ZBED4: variants seen among roughly 807,000 people sequenced by gnomAD.
ZBED4 encodes the protein zinc finger BED-type containing 4.
ZBED4 carries 4 observed loss-of-function variants against 15.5 expected under a neutral mutation model. The ratio of observed to expected loss-of-function variants is 0.26; its 90% CI spans 0.13 to 0.59. The LOEUF (loss-of-function observed/expected upper bound fraction) is 0.59, where lower values mean the gene tolerates loss of function less well. Among genes scored for constraint, ZBED4 ranks in the 20% least tolerant of loss-of-function variants. The probability of loss-of-function intolerance (pLI) is 0.90; values close to 1 mark genes in which losing one functional copy is unlikely to be tolerated. For missense variants in ZBED4, 1,323 were observed against 1,461.8 expected, an observed-to-expected ratio of 0.91 and a Z score of 1.55; for synonymous variants, 692 against 608.5, an observed-to-expected ratio of 1.14 and a Z score of -2.02.
intron 1 of ZBED4, among the ~76,000 whole-genome samples, chr22:49,854,966 A>C (rs2060268785): frequency 6.6e-6 from 1 of 152,226 alleles, no homozygotes; most frequent in African/African-American, 2.4e-5. Flanking sequence ...CATAGTGACA[A>C]AATTGAGGCT....
intron 1 of ZBED4, among the ~76,000 whole-genome samples, chr22:49,872,711 T>C (rs1451550942): frequency 6.6e-6 from 1 of 151,810 alleles, no homozygotes; most frequent in Non-Finnish European, 1.5e-5. Context: ...TAAATTTTTT[T>C]TTTTTTTTCC....
rs1569160356 is a variant in ZBED4, at chr22:49,872,340, ACAG to A, written c.-329-10991_-329-10989del. On this transcript the variant is annotated intron_variant, in intron 1 of 1. Transcript: ENST00000216268. ...TTCACTCAAGTTTTATCCTAAGAGT[ACAG>A]CAATTCCGCCGTATCTTTGGGTTCT... Among the ~76,000 whole-genome samples, 5 of 152,214 alleles carry A rather than the reference ACAG, an allele frequency of 3.3e-5. No homozygotes were observed. In the East Asian group the frequency reaches 9.6e-4, roughly 29 times the overall value.
chr22:49,878,973 T>C (rs2147534639), intron 1 of ZBED4, among the ~76,000 whole-genome samples: 1 of 151,398 alleles, frequency 6.6e-6, no homozygotes, highest in Non-Finnish European at 1.5e-5. Flanking sequence ...TGAAACCCCG[T>C]CTCTACTAAA....
chr22:49,872,852 C>G (rs1328333835), intron 1 of ZBED4, among the ~76,000 whole-genome samples: 2 of 151,996 alleles, frequency 1.3e-5, no homozygotes, highest in Admixed American at 6.6e-5. Context: ...ACCGCAGGCA[C>G]CTGCCGGCTA....
chr22:49,887,467 G>T lies in ZBED4; in HGVS notation c.*289G>T. ...ACCGTAAAGTTTTTTAAAGTTTTGG[G>T]TTAGTAATTTGTTTTACTAGAATGA... On this transcript the variant is annotated 3_prime_UTR_variant, in exon 2 of 2. Coordinates refer to ENST00000216268, the MANE Select transcript of ZBED4 (RefSeq NM_014838.3). 3.4e-6 allele frequency: 1 copy of T among 293,464 alleles called. No individual in the cohort carries two copies. Among genetic ancestry groups the T allele is most frequent in the Non-Finnish European group, 6.8e-6 (1 of 147,726 alleles). The allele number at this position is 293,464 out of a possible 1,614,324, so 18.2% of individuals were successfully genotyped here.
In ZBED4 at chr22:49,886,176, G is replaced by A. The variant is rs933034710; in HGVS notation, c.2514G>A (p.Glu838=). The part of the protein sequence containing the change: ...FSHTVNLIVS[E]AIKSQRMVQN... ...ATACGGTGAACCTGATCGTCAGCGA[G>A]GCCATTAAGAGCCAGCGGATGGTGC... The change falls in exon 2 of 2, where the codon GAG becomes GAA. Residue 838 remains glutamate (E), a synonymous_variant. Transcript: ENST00000216268. The surrounding 1 kb of genome is among the most constrained non-coding windows in gnomAD (Gnocchi z 7.7). 1 of 705,944 alleles carries A rather than the reference G, an allele frequency of 1.4e-6. No homozygotes were observed. The highest frequency in any genetic ancestry group is 2.6e-6 in the Non-Finnish European group (1 of 388,798). The allele number at this position is 705,944 out of a possible 1,614,324, so 43.7% of individuals were successfully genotyped here.
At chr22:49,859,246 C>T (rs2060287289) in intron 1 of ZBED4, among the ~76,000 whole-genome samples, 1 of 152,110 alleles carries the variant, frequency 6.6e-6, no homozygotes, top group Admixed American at 6.5e-5. Context: ...ATTACCAATT[C>T]TTAGCGGAAG....
At position 49,888,737 on chromosome 22, in the gene ZBED4, C is replaced by G. The variant is rs1040667122; in HGVS notation, c.*1559C>G. On this transcript the variant is annotated 3_prime_UTR_variant, in exon 2 of 2. Coordinates refer to ENST00000216268, the MANE Select transcript of ZBED4 (RefSeq NM_014838.3). ...CACGCTCTTCCTGGTGTCCTCTTAC[C>G]CGGTAGCTGTGCGCTTGTTCCCGTG... is the stretch of plus-strand genomic sequence containing the variant. 8 of 167,290 alleles carry G rather than the reference C, an allele frequency of 4.8e-5. No individual in the cohort carries two copies. 10.4% of individuals were successfully genotyped at this position (167,290 alleles called of 1,614,324 possible).
At position 49,887,225 on chromosome 22, in the gene ZBED4, TAGC is replaced by T; in HGVS notation, c.*51_*53del. 1 of 1,554,602 alleles carries T rather than the reference TAGC, an allele frequency of 6.4e-7. No homozygotes were observed. Among genetic ancestry groups the T allele is most frequent in the Non-Finnish European group, 8.7e-7 (1 of 1,147,080 alleles). ...GCCAGAGGCGTGGCTGCCCCAGCGT[TAGC>T]AGCCTGTACCAGGTCTATGACCCGC... On this transcript the variant is annotated 3_prime_UTR_variant, in exon 2 of 2. Coordinates refer to ENST00000216268, the MANE Select transcript of ZBED4 (RefSeq NM_014838.3).
chr22:49,857,058 C>G (rs1195804978), intron 1 of ZBED4, among the ~76,000 whole-genome samples: 1 of 152,218 alleles, frequency 6.6e-6, no homozygotes, highest in Non-Finnish European at 1.5e-5. Context: ...CCCTTCCTGC[C>G]TTGCCACCTC....
At chr22:49,867,890 G>T (rs1845721923) in intron 1 of ZBED4, among the ~76,000 whole-genome samples, 1 of 152,184 alleles carries the variant, frequency 6.6e-6, no homozygotes, top group Admixed American at 6.5e-5. Context: ...ACTTACATGA[G>T]CCCACAGTTG....
At chr22:49,878,828 TC>T in intron 1 of ZBED4, among the ~76,000 whole-genome samples, 1 of 151,998 alleles carries the variant, frequency 6.6e-6, no homozygotes, top group East Asian at 1.9e-4. Context: ...TGAAACCTTG[TC>T]TCTACTAAAA....
intron 1 of ZBED4, among the ~76,000 whole-genome samples, chr22:49,873,844 A>C (rs2060361176): frequency 1.1e-5 from 1 of 89,438 alleles, no homozygotes; most frequent in Non-Finnish European, 3.2e-5. Context: ...TGCACGGCCC[A>C]CCTTGTAGGT....
At chr22:49,874,214 G>C (rs756806327) in intron 1 of ZBED4, among the ~76,000 whole-genome samples, 2 of 152,216 alleles carry the variant, frequency 1.3e-5, no homozygotes, top group Non-Finnish European at 2.9e-5. Flanking sequence ...TGATGAGTAT[G>C]ATGGGAGCTG....
chr22:49,884,813 C>T lies in ZBED4; in HGVS notation c.1151C>T (p.Pro384Leu), dbSNP rs1321462692. ...SSPVKPVRES[P>L]SASSSPDRLT... The stretch of plus-strand genomic sequence containing the variant: ...CCAGTAAAGCCGGTCAGAGAGTCCC[C>T]TTCGGCCTCCTCCTCCCCTGACAGG... Residue 384 changes from proline to leucine, a missense_variant, in exon 2 of 2, where the codon CCT becomes CTT. Around this residue, in one of 6 missense-constraint regions of ZBED4, gnomAD observed 429 missense variants for 397.9 expected, o/e 1.08. Transcript: ENST00000216268. 6.2e-7 allele frequency: 1 copy of T among 1,610,750 alleles called. No homozygotes were observed. Among genetic ancestry groups the T allele is most frequent in the Non-Finnish European group, 8.5e-7 (1 of 1,177,558 alleles).
intron 1 of ZBED4, among the ~76,000 whole-genome samples, chr22:49,865,972 G>A (rs1255130489): frequency 4.0e-5 from 6 of 150,928 alleles, no homozygotes; most frequent in Admixed American, 2.0e-4. Flanking sequence ...TCCACCTCCC[G>A]ATGCTGATTA....
intron 1 of ZBED4, among the ~76,000 whole-genome samples, chr22:49,873,066 T>C (rs2060356554): frequency 6.6e-6 from 1 of 152,192 alleles, no homozygotes; most frequent in Non-Finnish European, 1.5e-5. Context: ...CCTGAGCTCA[T>C]GCAGTCCACC....
intron 1 of ZBED4, among the ~76,000 whole-genome samples, chr22:49,874,672 CTT>C (rs10636316): frequency 1.3e-4 from 5 of 37,316 alleles, no homozygotes; most frequent in Non-Finnish European, 2.2e-4. Context: ...CATGCCCAGC[CTT>C]TTTTTTTTTT....
At chr22:49,866,969 T>C (rs1236605691) in intron 1 of ZBED4, among the ~76,000 whole-genome samples, 1 of 152,186 alleles carries the variant, frequency 6.6e-6, no homozygotes, top group East Asian at 1.9e-4. Flanking sequence ...TGGTTTGCTG[T>C]TTTTTCTAGT....
Sources: allele counts gnomAD v4.1 joint callset (sites outside exome capture counted in the v4.1 genomes callset), GRCh38; gene constraint gnomAD v4.1.1; regional missense constraint gnomAD v4.1.1; non-coding constraint Gnocchi (gnomAD v3.1); transcripts MANE v1.5; gene names NCBI Gene and HGNC (gene_info 2026-07-23, HGNC 2026-07-21).